Variants in CC2D2A observed in about 807,000 individuals in gnomAD.
The protein encoded by CC2D2A is coiled-coil and C2 domain containing 2A.
A neutral mutation model predicts 212.9 loss-of-function variants in CC2D2A; 155 were observed. The ratio of observed to expected loss-of-function variants is 0.73; its 90% CI spans 0.64 to 0.83. CC2D2A has a LOEUF of 0.83. Ranked by LOEUF, CC2D2A falls within the 40% of genes least tolerant of loss-of-function variation. The pLI, the probability that CC2D2A is intolerant of heterozygous loss-of-function variation, is 0.00. For synonymous variants in CC2D2A, 667 were observed against 686.5 expected, an observed-to-expected ratio of 0.97 and a Z score of 0.44; for missense variants, 1,856 against 1,956.2, an observed-to-expected ratio of 0.95 and a Z score of 0.97.
At chr4:15,535,424 A>G (rs1263023284) in intron 14 of CC2D2A, among the ~76,000 whole-genome samples, 5 of 151,466 alleles carry the variant, frequency 3.3e-5, no homozygotes, top group Non-Finnish European at 7.4e-5. Flanking sequence ...AGGTCATAAC[A>G]CTCCTTCCCC....
intron 1 of CC2D2A, 64 bp from the exon 2 acceptor site, chr4:15,475,851 A>C (rs547893571): frequency 7.9e-6 from 10 of 1,258,322 alleles, no homozygotes; most frequent in East Asian, 7.6e-5. Flanking sequence ...TTACATATCC[A>C]TAGTAAGAGA....
intron 35 of CC2D2A, 50 bp downstream of exon 35, chr4:15,597,515 T>TA: frequency 1.4e-6 from 2 of 1,407,562 alleles, no homozygotes; most frequent in Non-Finnish European, 2.0e-6. Flanking sequence ...AGGAGTATAA[T>TA]ACCAAACTTT....
chr4:15,495,442 T>C (rs1416126116), intron 4 of CC2D2A, among the ~76,000 whole-genome samples: 1 of 152,176 alleles, frequency 6.6e-6, no homozygotes, highest in Non-Finnish European at 1.5e-5. Context: ...CATATGTAGC[T>C]CAATGTTTAG....
At chr4:15,545,383 G>A (rs564328674) in intron 17 of CC2D2A, among the ~76,000 whole-genome samples, 2 of 152,204 alleles carry the variant, frequency 1.3e-5, no homozygotes, top group South Asian at 2.1e-4. Context: ...AGCCAACTGC[G>A]TATCTAAGCC....
intron 32 of CC2D2A, among the ~76,000 whole-genome samples, chr4:15,589,199 C>T (rs1219297079): frequency 6.6e-6 from 1 of 152,090 alleles, no homozygotes; most frequent in African/African-American, 2.4e-5. Flanking sequence ...CTTCTATAGA[C>T]TTAAATGGCA....
At chr4:15,522,230 C>T (rs112105591) in intron 11 of CC2D2A, among the ~76,000 whole-genome samples, 1,622 of 152,256 alleles carry the variant, frequency 0.011, 30 homozygotes, top group African/African-American at 0.037. Context: ...TGCATACATA[C>T]ATACATACAA....
Position 15,567,450 on chromosome 4 carries a change from C to A in CC2D2A, c.3256C>A (p.Pro1086Thr), listed in dbSNP as rs756918920. 8.7e-6 allele frequency: 14 copies of A among 1,613,550 alleles called. No homozygotes were observed. Among genetic ancestry groups the A allele is most frequent in the Non-Finnish European group, 1.2e-5 (14 of 1,179,696 alleles). ...KHAASPSTYS[P>T]THNADYPLGQ... ...TGCTGCTTCCCCAAGCACGTACAGC[C>A]CAACCCACAATGCTGACTACCCCCT... The change falls in exon 25 of 37, where the codon CCA (proline) becomes ACA (threonine). Residue 1086 changes from proline to threonine, a missense_variant. This residue lies in a region of CC2D2A where 1,512 missense variants were observed against 1,579.3 expected (regional missense o/e 0.96). Coordinates refer to ENST00000424120, the MANE Select transcript of CC2D2A (RefSeq NM_001378615.1).
chr4:15,515,184 C>G (rs981554675), intron 9 of CC2D2A, among the ~76,000 whole-genome samples: 2 of 152,164 alleles, frequency 1.3e-5, no homozygotes, highest in East Asian at 1.9e-4. Flanking sequence ...CCAACCTTCC[C>G]TAAGTCACCA....
Position 15,596,184 on chromosome 4 carries a change from T to C in CC2D2A, c.4414T>C (p.Tyr1472His). The change falls in exon 34 of 37, where the codon TAT becomes CAT. Residue 1472 changes from tyrosine to histidine, a missense_variant. Tyr to His is a moderately conservative substitution (Grantham distance 83). Around this residue, in one of 5 missense-constraint regions of CC2D2A, gnomAD observed 285 missense variants for 278.4 expected, o/e 1.02. Transcript: ENST00000424120. ...ATCTTTCTTTTCAAGAAGCCTTCCA[T>C]ATCCTGGCCTTTCCAGTGTTCAGGT... ...WKSFFSRSLP[Y>H]PGLSSVQPEE... is the part of the protein sequence containing the mutation. 1 of 1,545,448 alleles carries C rather than the reference T, an allele frequency of 6.5e-7. No individual in the cohort carries two copies. Among genetic ancestry groups the C allele is most frequent in the Non-Finnish European group, 8.7e-7 (1 of 1,144,528 alleles).
intron 36 of CC2D2A, among the ~76,000 whole-genome samples, chr4:15,600,583 C>T (rs1417559635): frequency 6.6e-6 from 1 of 152,110 alleles, no homozygotes; most frequent in African/African-American, 2.4e-5. Context: ...TGCCCATCCC[C>T]GTGGATCAAT....
At chr4:15,506,659 G>T (rs1202615261) in intron 6 of CC2D2A, among the ~76,000 whole-genome samples, 1 of 152,122 alleles carries the variant, frequency 6.6e-6, no homozygotes, top group Non-Finnish European at 1.5e-5. Context: ...GAATAGAATG[G>T]CATCATCAAC....
intron 33 of CC2D2A, among the ~76,000 whole-genome samples, chr4:15,594,830 A>T (rs6852735): frequency 0.76 from 114,689 of 151,830 alleles, 43,573 homozygotes; most frequent in East Asian, 0.91. Context: ...TTAAACAGGA[A>T]CTTGCTGTCA....
chr4:15,486,338 G>GT (rs1245699890), intron 4 of CC2D2A, among the ~76,000 whole-genome samples: 1 of 151,958 alleles, frequency 6.6e-6, no homozygotes, highest in Non-Finnish European at 1.5e-5. Flanking sequence ...CTCATTACTT[G>GT]TTTTTTGTCT....
intron 28 of CC2D2A, among the ~76,000 whole-genome samples, chr4:15,572,951 G>A (rs565656467): frequency 6.6e-6 from 1 of 152,278 alleles, no homozygotes; most frequent in East Asian, 1.9e-4. Flanking sequence ...TCCAGCATGG[G>A]AGAAAGATGA....
At chr4:15,523,786 G>C (rs1717343261) in intron 11 of CC2D2A, among the ~76,000 whole-genome samples, 1 of 152,192 alleles carries the variant, frequency 6.6e-6, no homozygotes, top group South Asian at 2.1e-4. Flanking sequence ...GCAATTGCAG[G>C]CATGACAGAA....
In CC2D2A at chr4:15,475,923, C is replaced by A; in HGVS notation, c.-10C>A. ...TCATTGTTCTTTGTCAGGGACCCAT[C>A]CCAGCCAAAATGAATCCCAGGGAAG... On this transcript the variant is annotated 5_prime_UTR_variant, in exon 2 of 37. Transcript: ENST00000424120. 1.3e-6 allele frequency: 2 copies of A among 1,583,400 alleles called. No individual in the cohort carries two copies. Among genetic ancestry groups the A allele is most frequent in the Non-Finnish European group, 1.7e-6 (2 of 1,163,732 alleles).
At position 15,553,182 on chromosome 4, in the gene CC2D2A, A is replaced by G. The variant is rs750872276; in HGVS notation, c.2363A>G (p.Asp788Gly). ...GGAGTGCCCTTCTCATTTGAAGCTGATGGCAGTAACCAGCTGACTCTGATG... is the reference window on the plus strand; with the variant it reads ...GGAGTGCCCTTCTCATTTGAAGCTGGTGGCAGTAACCAGCTGACTCTGATG... ...GSGVPFSFEA[D>G]GSNQLTLMTS... Residue 788 changes from aspartate to glycine, a missense_variant, in exon 19 of 37, where the codon GAT becomes GGT. By Grantham distance (94) the Asp-to-Gly change is moderately conservative (BLOSUM62 -1). Coordinates refer to ENST00000424120, the MANE Select transcript of CC2D2A (RefSeq NM_001378615.1). The G allele has an allele frequency of 6.2e-7, 1 of 1,603,920 alleles. No individual in the cohort carries two copies. The highest frequency in any genetic ancestry group is 8.5e-7 in the Non-Finnish European group (1 of 1,176,450).
At chr4:15,480,525 C>G (rs1304842841) in intron 3 of CC2D2A, among the ~76,000 whole-genome samples, 179 bp from the exon 4 acceptor site, 4 of 152,168 alleles carry the variant, frequency 2.6e-5, no homozygotes, top group African/African-American at 9.7e-5. Flanking sequence ...TAGAGAAATT[C>G]TGGGTTGGCA....
intron 15 of CC2D2A, among the ~76,000 whole-genome samples, chr4:15,537,636 G>A (rs1270247931): frequency 5.3e-5 from 8 of 152,032 alleles, no homozygotes; most frequent in Non-Finnish European, 1.2e-4. Flanking sequence ...CTCTTTCCAG[G>A]GACTAGGCTG....
Sources: gnomAD v4.1 joint callset for allele counts (sites outside exome capture counted in the v4.1 genomes callset) on GRCh38, gnomAD v4.1.1 for gene constraint, gnomAD v4.1.1 regional missense constraint, MANE v1.5 for transcripts, NCBI Gene and HGNC (gene_info 2026-07-23, HGNC 2026-07-21) for gene names.